The following DLG2 variants were observed in gnomAD, a reference collection of about 807,000 sequenced individuals.
DLG2 encodes disks large homolog 2.
DLG2 carries 45 observed loss-of-function variants against 132.5 expected under a neutral mutation model. That is an observed-to-expected ratio of 0.34 (90% CI 0.27 to 0.44). DLG2 has a LOEUF of 0.44. Among genes scored for constraint, DLG2 ranks in the 20% least tolerant of loss-of-function variants. The pLI is 1.00. For synonymous variants in DLG2, 424 were observed against 419.6 expected, an observed-to-expected ratio of 1.01 and a Z score of -0.13; for missense variants, 1,045 against 1,196.9, an observed-to-expected ratio of 0.87 and a Z score of 1.87.
intron 7 of DLG2, among the ~76,000 whole-genome samples, chr11:84,313,691 G>GAAAGAAAGAAAGAA (rs2098326095): frequency 1.0e-5 from 1 of 97,050 alleles, no homozygotes; most frequent in African/African-American, 4.0e-5. Flanking sequence ...GAAAGAAAAA[G>GAAAGAAAGAAAGAA]AAAGAGGATA....
chr11:85,373,978 C>T (rs2085198242), intron 3 of DLG2, among the ~76,000 whole-genome samples: 1 of 152,162 alleles, frequency 6.6e-6, no homozygotes, highest in Non-Finnish European at 1.5e-5. Flanking sequence ...CGTCACTCTG[C>T]CCAATCCTAC....
chr11:84,612,082 A>G (rs2099596485), intron 6 of DLG2, among the ~76,000 whole-genome samples: 1 of 152,032 alleles, frequency 6.6e-6, no homozygotes, highest in Admixed American at 6.6e-5. Context: ...TTTCCTTTGT[A>G]CTCTTTCCCT....
Position 85,077,779 on chromosome 11 carries a change from C to A in DLG2, c.357+33882G>T, listed in dbSNP as rs1023022253. 2.6e-5 allele frequency among the ~76,000 whole-genome samples: 4 copies of A among 151,918 alleles called. No homozygotes were observed. In the East Asian group the frequency reaches 7.8e-4, roughly 30 times the overall value. On this transcript the variant is annotated intron_variant, in intron 6 of 27. Transcript: ENST00000376104. ...AGAAAAGTCAAGTTCTTTTTTCCTGCGTTACATATGTAGACCAGTTCTTGG... is the reference window on the plus strand; with the variant it reads ...AGAAAAGTCAAGTTCTTTTTTCCTGAGTTACATATGTAGACCAGTTCTTGG...
chr11:83,730,164 T>C (rs2153698772), intron 18 of DLG2, among the ~76,000 whole-genome samples: 1 of 150,110 alleles, frequency 6.7e-6, no homozygotes, highest in South Asian at 2.1e-4. Context: ...TTTTTTTTTT[T>C]TTTACAATGT....
chr11:84,977,309 C>T (rs2055042183), intron 6 of DLG2, among the ~76,000 whole-genome samples: 1 of 152,106 alleles, frequency 6.6e-6, no homozygotes, highest in Non-Finnish European at 1.5e-5. Context: ...TGTGAGTAGG[C>T]AACATCTTGC....
chr11:84,770,696 G>A lies in DLG2; in HGVS notation c.358-235965C>T, dbSNP rs187739789. Reference sequence around the variant, plus strand: ...TGCTCTGTCGCTCAGGCTGGAGTGCGGTGCAGTGGCACGATCTCGGCTCCC... The same window carrying A: ...TGCTCTGTCGCTCAGGCTGGAGTGCAGTGCAGTGGCACGATCTCGGCTCCC... On this transcript the variant is annotated intron_variant, in intron 6 of 27. Coordinates refer to ENST00000376104, the MANE Select transcript of DLG2 (RefSeq NM_001142699.3). 6.0e-5 allele frequency among the ~76,000 whole-genome samples: 9 copies of A among 150,022 alleles called. 1 individual carries two copies. In the East Asian group the frequency reaches 1.2e-3, roughly 20 times the overall value.
chr11:85,551,009 C>T lies in DLG2; in HGVS notation c.40+47648G>A, dbSNP rs545857964. ...GAAATAGAAGTGGCACAATATTGCTCAAAATCTTCAGTAGCTTCTTGTTAA... is the reference window on the plus strand; with the variant it reads ...GAAATAGAAGTGGCACAATATTGCTTAAAATCTTCAGTAGCTTCTTGTTAA... On this transcript the variant is annotated intron_variant, in intron 3 of 27. Coordinates refer to ENST00000376104, the MANE Select transcript of DLG2 (RefSeq NM_001142699.3). Among the ~76,000 whole-genome samples, 3 of 152,242 alleles carry T rather than the reference C, an allele frequency of 2.0e-5. No individual in the cohort carries two copies. The East Asian group carries it at 5.8e-4, about 29-fold the overall frequency.
intron 6 of DLG2, among the ~76,000 whole-genome samples, chr11:85,092,885 C>A (rs561775315): frequency 6.6e-6 from 1 of 152,272 alleles, no homozygotes; most frequent in East Asian, 1.9e-4. Context: ...TCATGATCCA[C>A]CTGTCTTGGC....
chr11:83,662,317 A>G (rs6592138), intron 18 of DLG2, among the ~76,000 whole-genome samples: 63,083 of 152,028 alleles, frequency 0.41, 14,858 homozygotes, highest in African/African-American at 0.65. Flanking sequence ...CAGATTGAAA[A>G]TGGCTCTATC....
intron 21 of DLG2, among the ~76,000 whole-genome samples, chr11:83,516,654 G>A (rs1458395091): frequency 6.6e-6 from 1 of 152,144 alleles, no homozygotes; most frequent in Non-Finnish European, 1.5e-5. Flanking sequence ...ATTTTGCAGT[G>A]GCTGGTACCG....
At chr11:84,365,105 A>G (rs2098673909) in intron 7 of DLG2, among the ~76,000 whole-genome samples, 1 of 152,026 alleles carries the variant, frequency 6.6e-6, no homozygotes, top group Non-Finnish European at 1.5e-5. Flanking sequence ...TTCTCCTTGT[A>G]CCTCTGGTAG....
chr11:85,482,567 T>A (rs2093323713), intron 3 of DLG2, among the ~76,000 whole-genome samples: 1 of 152,078 alleles, frequency 6.6e-6, no homozygotes, highest in African/African-American at 2.4e-5. Context: ...ATGGATCCAA[T>A]CCCTAGGCCA....
intron 6 of DLG2, among the ~76,000 whole-genome samples, chr11:84,745,361 G>T (rs747865599): frequency 3.3e-5 from 5 of 152,124 alleles, no homozygotes; most frequent in African/African-American, 4.8e-5. Flanking sequence ...TTGTTTAAAA[G>T]TGTATAGCCC....
intron 8 of DLG2, among the ~76,000 whole-genome samples, chr11:84,191,606 T>C (rs2096409182): frequency 6.6e-6 from 1 of 152,210 alleles, no homozygotes; most frequent in Non-Finnish European, 1.5e-5. Flanking sequence ...TATCCAAAGT[T>C]AGAACTTTCT....
intron 7 of DLG2, among the ~76,000 whole-genome samples, chr11:84,309,680 C>T (rs909607504): frequency 2.0e-5 from 3 of 152,056 alleles, no homozygotes; most frequent in African/African-American, 7.2e-5. Context: ...TGTAAGAGAT[C>T]AAATAATATC....
At chr11:84,768,972 T>C (rs1347239002) in intron 6 of DLG2, among the ~76,000 whole-genome samples, 2 of 151,966 alleles carry the variant, frequency 1.3e-5, no homozygotes, top group Non-Finnish European at 2.9e-5. Context: ...TGTAGGGAAA[T>C]ACAGAAAAAG....
At chr11:85,350,074 T>TTG (rs1351024114) in intron 3 of DLG2, among the ~76,000 whole-genome samples, 2 of 152,214 alleles carry the variant, frequency 1.3e-5, no homozygotes, top group African/African-American at 4.8e-5. Context: ...CCAGCATCTG[T>TTG]TGTTTCCTGA....
intron 4 of DLG2, among the ~76,000 whole-genome samples, chr11:85,280,792 T>G (rs1425306930): frequency 6.6e-6 from 1 of 152,024 alleles, no homozygotes; most frequent in Non-Finnish European, 1.5e-5. Flanking sequence ...ATGAATTACT[T>G]ATAGTTCAGC....
At chr11:83,894,209 A>AC (rs2070863857) in intron 15 of DLG2, among the ~76,000 whole-genome samples, 1 of 152,216 alleles carries the variant, frequency 6.6e-6, no homozygotes, top group South Asian at 2.1e-4. Context: ...GAAATTCAGC[A>AC]CTGTGCTAGG....
Sources: gnomAD v4.1 joint callset for allele counts (sites outside exome capture counted in the v4.1 genomes callset) on GRCh38, gnomAD v4.1.1 for gene constraint, MANE v1.5 for transcripts, NCBI Gene and HGNC (gene_info 2026-07-23, HGNC 2026-07-21) for gene names.